Variants in FAIM2 observed in about 807,000 individuals in gnomAD.
FAIM2 encodes Fas apoptotic inhibitory molecule 2.
In FAIM2, 27 loss-of-function variants were observed where a neutral mutation model predicts 47.4. The observed-to-expected ratio is 0.57, with a 90% confidence interval of 0.42 to 0.78. The LOEUF (loss-of-function observed/expected upper bound fraction) is 0.78. Ranked by LOEUF, FAIM2 falls within the 30% of genes least tolerant of loss-of-function variation. The probability of loss-of-function intolerance (pLI) is 0.00; values close to 1 mark genes in which losing one functional copy is unlikely to be tolerated. For missense variants in FAIM2, 311 were observed against 389.4 expected (o/e 0.80, Z 1.69); for synonymous variants, 156 against 159.3 (o/e 0.98, Z 0.16).
At position 49,878,583 on chromosome 12, in the gene FAIM2, T is replaced by C. The variant is rs1338402125; in HGVS notation, c.802-7930A>G. ...GAGTGTATATGTTCATGTGTATATG[T>C]ACATGTGTATGTGTATGTGTGCATG... On this transcript the variant is annotated intron_variant, in intron 11 of 11. Transcript: ENST00000320634. 5.2e-5 allele frequency among the ~76,000 whole-genome samples: 6 copies of C among 115,116 alleles called. 1 individual carries two copies. The East Asian group carries it at 1.8e-3, about 35-fold the overall frequency. 75.5% of individuals were successfully genotyped at this position (115,116 alleles called of 152,430 possible). A position where few individuals can be genotyped will look rare whatever the true frequency, so the allele number is the denominator to read the frequency against.
rs1946721053 is a variant in FAIM2 at position 49,874,217 on chromosome 12, GA to G, written c.802-3565del. ...AGGAGGAGCACATGGGATGGGGCAG[GA>G]GGCCCCCTGGGACAAGGACGCTATT... On this transcript the variant is annotated intron_variant, in intron 11 of 11. Transcript: ENST00000320634. This position sits in a 1 kb window ranked among gnomAD's most constrained non-coding sequence, Gnocchi z 4.2. 6.6e-6 allele frequency among the ~76,000 whole-genome samples: 1 copy of G among 152,204 alleles called. No homozygotes were observed. Among genetic ancestry groups the G allele is most frequent in the African/African-American group, 2.4e-5 (1 of 41,452 alleles).
chr12:49,900,186 G>T, intron 2 of FAIM2: 1 of 1,287,630 alleles, frequency 7.8e-7, no homozygotes, highest in South Asian at 1.2e-5. Flanking sequence ...GTCACGGTGG[G>T]GTGAGTCTTC....
rs1946682414 is a variant in FAIM2 at position 49,868,911 on chromosome 12, A to G, written c.*1593T>C. The G allele has an allele frequency of 6.6e-6, 1 of 152,288 alleles. No individual in the cohort carries two copies. The highest frequency in any genetic ancestry group is 1.5e-5 in the Non-Finnish European group (1 of 68,068). 9.4% of individuals were successfully genotyped at this position (152,288 alleles called of 1,614,324 possible). On this transcript the variant is annotated 3_prime_UTR_variant, in exon 12 of 12. Coordinates refer to ENST00000320634, the MANE Select transcript of FAIM2 (RefSeq NM_012306.4). ...GGAACAAAACTTCAAATGCTTCTGC[A>G]ATGTTTCTTGAAAGCTGGGAGTAGG...
intron 2 of FAIM2, among the ~76,000 whole-genome samples, chr12:49,899,160 C>A (rs1408565660): frequency 6.6e-6 from 1 of 152,110 alleles, no homozygotes; most frequent in Non-Finnish European, 1.5e-5. Flanking sequence ...CCTCCTGGGC[C>A]TATAAACATG....
chr12:49,870,271 A>G lies in FAIM2; in HGVS notation c.*233T>C. 2 of 439,972 alleles carry G rather than the reference A, an allele frequency of 4.5e-6. No individual in the cohort carries two copies. 27.3% of individuals were successfully genotyped at this position (439,972 alleles called of 1,614,324 possible). On this transcript the variant is annotated 3_prime_UTR_variant, in exon 12 of 12. Coordinates refer to ENST00000320634, the MANE Select transcript of FAIM2 (RefSeq NM_012306.4). ...TTCAGCCTTGACCGTCCCAGTTTGGAAGATGTAACGGGCGAATGGGGCGGC... is the reference window on the plus strand; with the variant it reads ...TTCAGCCTTGACCGTCCCAGTTTGGGAGATGTAACGGGCGAATGGGGCGGC...
At chr12:49,880,919 C>G (rs1381095526) in intron 11 of FAIM2, among the ~76,000 whole-genome samples, 3 of 151,542 alleles carry the variant, frequency 2.0e-5, no homozygotes, top group African/African-American at 7.3e-5. Context: ...GATGTGCTGT[C>G]TTGGCTTCAG....
intron 2 of FAIM2, among the ~76,000 whole-genome samples, chr12:49,899,139 A>G (rs7132206): frequency 7.9e-5 from 12 of 152,214 alleles, no homozygotes; most frequent in African/African-American, 2.9e-4. Flanking sequence ...GATACTGGTT[A>G]GTGATACCCA....
At position 49,897,051 on chromosome 12, in the gene FAIM2, T is replaced by A. The variant is rs773778369; in HGVS notation, c.414A>T (p.Pro138=). The A allele has an allele frequency of 7.4e-6, 12 of 1,613,806 alleles. No homozygotes were observed. In the South Asian group the frequency reaches 1.3e-4, roughly 18 times the overall value. Residue 138 remains proline, a synonymous_variant, in exon 5 of 12, where the codon CCA becomes CCT. Transcript: ENST00000320634. ...CTCACTAGGATGCCCAGTACCAGCC[T>A]GGGTTGGCCTGGACATAGTCCTTGA... ...DPVKDYVQAN[P]GWYWASYAVF...
chr12:49,870,312 G>A lies in FAIM2; in HGVS notation c.*192C>T. ...ATGGGGCGGCACAGGGATTGACGTG[G>A]CCTCAGTTCCTCAGGGTCCCCATGG... On this transcript the variant is annotated 3_prime_UTR_variant, in exon 12 of 12. Transcript: ENST00000320634. The A allele has an allele frequency of 1.8e-6, 1 of 565,946 alleles. No homozygotes were observed. 35.1% of individuals were successfully genotyped at this position (565,946 alleles called of 1,614,324 possible).
At chr12:49,872,494 C>A (rs1229459381) in intron 11 of FAIM2, among the ~76,000 whole-genome samples, 3 of 152,178 alleles carry the variant, frequency 2.0e-5, no homozygotes, top group Non-Finnish European at 4.4e-5. Context: ...CTTTCCTTCA[C>A]CTCCGCCATG....
In FAIM2 at chr12:49,887,388, A is replaced by T; in HGVS notation, c.799T>A (p.Leu267Met). ...YAALGAGVFT[L>M]FLALDTQLLM... ...CCAAGGAGCTAGACCACACTCACCA[A>T]TGTAAATACACCCGCTCCCAGTGCT... is the stretch of plus-strand genomic sequence containing the variant. Residue 267 changes from leucine (L) to methionine (M), a missense_variant and splice_region_variant, in exon 11 of 12, where the codon TTG becomes ATG. Transcript: ENST00000320634. The T allele has an allele frequency of 1.9e-6, 3 of 1,610,522 alleles. No homozygotes were observed. Among genetic ancestry groups the T allele is most frequent in the Non-Finnish European group, 2.5e-6 (3 of 1,178,196 alleles).
intron 11 of FAIM2, among the ~76,000 whole-genome samples, chr12:49,878,814 A>G (rs1592785724): frequency 6.1e-5 from 4 of 66,022 alleles, no homozygotes; most frequent in South Asian, 5.3e-4. Context: ...GTGCATGTGA[A>G]TGTGTGTATA....
At position 49,887,452 on chromosome 12, in the gene FAIM2, A is replaced by G; in HGVS notation, c.748-13T>C. 6.2e-7 allele frequency: 1 copy of G among 1,608,566 alleles called. No homozygotes were observed. The highest frequency in any genetic ancestry group is 8.5e-7 in the Non-Finnish European group (1 of 1,176,930). ...GGAGCCAGGGCACCTGCGGCAGAGG[A>G]AAAATGGGCTTAGGGACGACAAGAA... is the stretch of plus-strand genomic sequence containing the variant. On this transcript the variant is annotated splice_polypyrimidine_tract_variant and intron_variant, in intron 10 of 11. Coordinates refer to ENST00000320634, the MANE Select transcript of FAIM2 (RefSeq NM_012306.4).
chr12:49,899,715 A>G lies in FAIM2; in HGVS notation c.211+1415T>C, dbSNP rs148860172. ...TAGGTAAGGTGCTGAGGCATCTGTC[A>G]CTGTGTTTGTGTCACTGTGTGGTAG... On this transcript the variant is annotated intron_variant, in intron 2 of 11. Transcript: ENST00000320634. Among the ~76,000 whole-genome samples the G allele has an allele frequency of 9.9e-5, 15 of 152,166 alleles. 1 individual carries two copies. The highest frequency in any genetic ancestry group is 3.6e-4 in the African/African-American group (15 of 41,506).
chr12:49,875,975 C>CA (rs963675039), intron 11 of FAIM2, among the ~76,000 whole-genome samples: 6 of 151,296 alleles, frequency 4.0e-5, no homozygotes, highest in African/African-American at 9.7e-5. Flanking sequence ...GACTCCATCT[C>CA]AAAAAAAAGG....
Position 49,870,295 on chromosome 12 carries a change from G to C in FAIM2, c.*209C>G, listed in dbSNP as rs183280438. The C allele has an allele frequency of 8.3e-5, 44 of 528,422 alleles. No individual in the cohort carries two copies. Among genetic ancestry groups the C allele is most frequent in the Middle Eastern group, 5.1e-4 (1 of 1,978 alleles). 32.7% of individuals were successfully genotyped at this position (528,422 alleles called of 1,614,324 possible). A position where few individuals can be genotyped will look rare whatever the true frequency, so the allele number is the denominator to read the frequency against. On this transcript the variant is annotated 3_prime_UTR_variant, in exon 12 of 12. Transcript: ENST00000320634. ...GAAGATGTAACGGGCGAATGGGGCG[G>C]CACAGGGATTGACGTGGCCTCAGTT...
At chr12:49,891,606 A>C (rs1946900843) in intron 5 of FAIM2, among the ~76,000 whole-genome samples, 1 of 152,010 alleles carries the variant, frequency 6.6e-6, no homozygotes, top group Non-Finnish European at 1.5e-5. Flanking sequence ...GTCCCTGCTC[A>C]TAACCACTGC....
At chr12:49,890,950 G>A in intron 6 of FAIM2, 114 bp downstream of exon 6, 1 of 1,080,250 alleles carries the variant, frequency 9.3e-7, no homozygotes, top group Non-Finnish European at 1.4e-6. Flanking sequence ...GGCCCAGAGA[G>A]GGATGGGGCC....
At chr12:49,900,745 G>A (rs966517353) in intron 2 of FAIM2, among the ~76,000 whole-genome samples, 1 of 152,176 alleles carries the variant, frequency 6.6e-6, no homozygotes, top group African/African-American at 2.4e-5. Context: ...CAGGGGCCAG[G>A]CCCAGTGAAG....
Sources: allele counts gnomAD v4.1 joint callset (sites outside exome capture counted in the v4.1 genomes callset), GRCh38; gene constraint gnomAD v4.1.1; non-coding constraint Gnocchi (gnomAD v3.1); transcripts MANE v1.5; gene names NCBI Gene and HGNC (gene_info 2026-07-23, HGNC 2026-07-21).